Variants in CDH4 observed in about 807,000 individuals in gnomAD.
The protein encoded by CDH4 is cadherin-4.
In CDH4, 33 loss-of-function variants were observed where a neutral mutation model predicts 86.0. That is an observed-to-expected ratio of 0.38 (90% CI 0.29 to 0.51). CDH4 has a LOEUF of 0.51. Ranked by LOEUF, CDH4 falls within the 20% of genes least tolerant of loss-of-function variation. The pLI is 0.86. For missense variants in CDH4, 1,114 were observed against 1,307.4 expected, an observed-to-expected ratio of 0.85 and a Z score of 2.28; for synonymous variants, 555 against 549.4, an observed-to-expected ratio of 1.01 and a Z score of -0.14.
intron 2 of CDH4, among the ~76,000 whole-genome samples, chr20:61,576,836 T>A (rs1357668502): frequency 6.6e-6 from 1 of 152,206 alleles, no homozygotes; most frequent in African/African-American, 2.4e-5. Flanking sequence ...CTCCACAGTT[T>A]GTTTGGAAGA....
intron 2 of CDH4, among the ~76,000 whole-genome samples, chr20:61,384,006 T>C (rs2084937258): frequency 6.6e-6 from 1 of 151,898 alleles, no homozygotes; most frequent in African/African-American, 2.4e-5. Flanking sequence ...TGGAGTCTGA[T>C]GTTTGAGAGC....
At chr20:61,669,587 C>T (rs1484112425) in intron 2 of CDH4, among the ~76,000 whole-genome samples, 4 of 152,186 alleles carry the variant, frequency 2.6e-5, no homozygotes, top group Admixed American at 2.0e-4. Flanking sequence ...AGAAGGGTGG[C>T]TCAAATCCCA....
intron 2 of CDH4, among the ~76,000 whole-genome samples, chr20:61,354,249 C>T (rs922826435): frequency 2.6e-5 from 4 of 152,098 alleles, no homozygotes; most frequent in African/African-American, 9.7e-5. Context: ...AAATGTCTCC[C>T]GGCAGCACGT....
chr20:61,357,987 T>A (rs891810056), intron 2 of CDH4, among the ~76,000 whole-genome samples: 2 of 152,090 alleles, frequency 1.3e-5, no homozygotes, highest in African/African-American at 4.8e-5. Context: ...AACGATGGCG[T>A]TTTTGTGTGT....
chr20:61,388,584 A>T lies in CDH4; in HGVS notation c.169+133647A>T, dbSNP rs73310537. Among the ~76,000 whole-genome samples, 692 of 152,306 alleles carry T rather than the reference A, an allele frequency of 4.5e-3. 4 individuals are homozygous for T. The highest frequency in any genetic ancestry group is 0.015 in the African/African-American group (618 of 41,568). On this transcript the variant is annotated intron_variant, in intron 2 of 15. Transcript: ENST00000614565. ...ACTGGCCGTGAGTGTTGCCTGTGAC[A>T]TGCCCATTCATACCTTCTGCCCATG...
intron 4 of CDH4, among the ~76,000 whole-genome samples, chr20:61,841,954 G>A (rs796441942): frequency 1.4e-4 from 21 of 152,276 alleles, no homozygotes; most frequent in African/African-American, 3.9e-4. Flanking sequence ...GCCGGTGTGC[G>A]GGGCACCTCA....
At chr20:61,753,873 T>G (rs1008931121) in intron 3 of CDH4, among the ~76,000 whole-genome samples, 1 of 152,110 alleles carries the variant, frequency 6.6e-6, no homozygotes, top group Non-Finnish European at 1.5e-5. Context: ...CCCCTAAAAT[T>G]CAGGTATTGA....
At chr20:61,558,742 T>C (rs2086194957) in intron 2 of CDH4, among the ~76,000 whole-genome samples, 1 of 152,228 alleles carries the variant, frequency 6.6e-6, no homozygotes, top group East Asian at 1.9e-4. Context: ...CCTCAACACA[T>C]GTCAATACTC....
intron 2 of CDH4, among the ~76,000 whole-genome samples, chr20:61,264,419 C>T (rs1483587839): frequency 6.7e-6 from 1 of 148,166 alleles, no homozygotes; most frequent in Non-Finnish European, 1.5e-5. Context: ...TCATTCAGTC[C>T]TACACATACC....
At chr20:61,303,455 C>T (rs1185875581) in intron 2 of CDH4, among the ~76,000 whole-genome samples, 1 of 63,374 alleles carries the variant, frequency 1.6e-5, no homozygotes, top group Non-Finnish European at 3.9e-5. Context: ...TGGCCCTGCT[C>T]TTGCCATTTT....
intron 7 of CDH4, 78 bp from the exon 8 acceptor site, chr20:61,894,832 A>G: frequency 2.0e-6 from 3 of 1,482,690 alleles, no homozygotes; most frequent in Non-Finnish European, 2.7e-6. Flanking sequence ...CTGTAAACGG[A>G]TTTCTTTTGA....
At chr20:61,793,918 C>G (rs1979371347) in intron 4 of CDH4, among the ~76,000 whole-genome samples, 1 of 149,524 alleles carries the variant, frequency 6.7e-6, no homozygotes, top group African/African-American at 2.5e-5. Context: ...GCGGGTAGAT[C>G]ACGAAGTCAG....
At chr20:61,458,133 T>C (rs113534510) in intron 2 of CDH4, among the ~76,000 whole-genome samples, 1 of 150,444 alleles carries the variant, frequency 6.6e-6, no homozygotes, top group Admixed American at 6.6e-5. Flanking sequence ...GTGGTGGTGG[T>C]GGTGATGGTT....
intron 2 of CDH4, among the ~76,000 whole-genome samples, chr20:61,451,104 T>C (rs1156982996): frequency 7.5e-6 from 1 of 133,646 alleles, no homozygotes; most frequent in African/African-American, 2.9e-5. Context: ...TTTTCTGAGC[T>C]TTTTCCCTCC....
In CDH4 at chr20:61,748,602, G is replaced by C. The variant is rs187397205; in HGVS notation, c.396+4813G>C. On this transcript the variant is annotated intron_variant, in intron 3 of 15. Transcript: ENST00000614565. ...GCCAAGAACACTGAAAAATACAAAT[G>C]AATCACAGCAGTGTAATGTTTCATG... Among the ~76,000 whole-genome samples, 210 of 152,276 alleles carry C rather than the reference G, an allele frequency of 1.4e-3. 1 individual carries two copies. The highest frequency in any genetic ancestry group is 4.8e-3 in the African/African-American group (200 of 41,546).
chr20:61,600,212 A>G (rs1350205337), intron 2 of CDH4, among the ~76,000 whole-genome samples: 1 of 152,214 alleles, frequency 6.6e-6, no homozygotes, highest in Non-Finnish European at 1.5e-5. Context: ...CTGTGCATCT[A>G]ATTTTAGTGA....
At chr20:61,487,468 A>G (rs1329300828) in intron 2 of CDH4, among the ~76,000 whole-genome samples, 1 of 152,196 alleles carries the variant, frequency 6.6e-6, no homozygotes, top group Non-Finnish European at 1.5e-5. Context: ...ATTCATTCTA[A>G]TAAGTACCAT....
rs757873788 is a variant in CDH4, at chr20:61,523,394, GCTC to G, written c.170-220165_170-220163del. ...GTGTGATGATTGCGTGGCATGGCGT[GCTC>G]CTCGCACGCACAGACACACCCTTCC... On this transcript the variant is annotated intron_variant, in intron 2 of 15. Transcript: ENST00000614565. Among the ~76,000 whole-genome samples, 27 of 152,364 alleles carry G rather than the reference GCTC, an allele frequency of 1.8e-4. 1 individual carries two copies. In the South Asian group the frequency reaches 5.0e-3, roughly 28 times the overall value.
chr20:61,270,649 T>A (rs1259501937), intron 2 of CDH4, among the ~76,000 whole-genome samples: 1 of 152,216 alleles, frequency 6.6e-6, no homozygotes, highest in African/African-American at 2.4e-5. Flanking sequence ...TAAACGTCAA[T>A]TTTCTTCAAT....
Sources: gnomAD v4.1 joint callset for allele counts (sites outside exome capture counted in the v4.1 genomes callset) on GRCh38, gnomAD v4.1.1 for gene constraint, MANE v1.5 for transcripts, NCBI Gene and HGNC (gene_info 2026-07-23, HGNC 2026-07-21) for gene names.